RBFOX1: variants seen among roughly 807,000 people sequenced by gnomAD.
The protein encoded by RBFOX1 is RNA binding fox-1 homolog 1.
In RBFOX1, 8 loss-of-function variants were observed where a neutral mutation model predicts 57.7. The observed-to-expected ratio is 0.14, with a 90% CI of 0.08 to 0.25. The LOEUF (loss-of-function observed/expected upper bound fraction) is 0.25. Ranked by LOEUF, RBFOX1 falls within the 10% of genes least tolerant of loss-of-function variation. The probability of loss-of-function intolerance (pLI) is 1.00; values close to 1 mark genes in which losing one functional copy is unlikely to be tolerated. For missense variants in RBFOX1, 611 were observed against 548.5 expected (o/e 1.11, Z -1.14); for synonymous variants, 326 against 222.4 (o/e 1.47, Z -4.15).
At chr16:5,960,759 T>G (rs934058759) in intron 4 of RBFOX1, among the ~76,000 whole-genome samples, 18 of 152,270 alleles carry the variant, frequency 1.2e-4, no homozygotes, top group African/African-American at 3.8e-4. Flanking sequence ...CCCAACACAG[T>G]GAAAAGCCAA....
At chr16:7,460,189 A>G (rs367853599) in intron 4 of RBFOX1, among the ~76,000 whole-genome samples, 10 of 151,494 alleles carry the variant, frequency 6.6e-5, no homozygotes, top group South Asian at 2.1e-4. Context: ...TCCTGTTTCT[A>G]TTATAGCTGC....
In RBFOX1 at chr16:7,602,809, T is replaced by C. The variant is rs77469030; in HGVS notation, c.623-4476T>C. On this transcript the variant is annotated intron_variant, in intron 9 of 15. Coordinates refer to ENST00000550418, the MANE Select transcript of RBFOX1 (RefSeq NM_018723.4). ...CATCTACTCATCAACACACGGAACA[T>C]TGTCCAGGATAAGCCACATGTCAGG... 3.4e-3 allele frequency among the ~76,000 whole-genome samples: 515 copies of C among 152,274 alleles called. 2 individuals are homozygous for C. Among genetic ancestry groups the C allele is most frequent in the Non-Finnish European group, 5.2e-3 (357 of 68,034 alleles).
intron 2 of RBFOX1, among the ~76,000 whole-genome samples, chr16:5,479,077 C>T (rs2069430968): frequency 6.6e-6 from 1 of 152,202 alleles, no homozygotes; most frequent in Admixed American, 6.5e-5. Context: ...AGGACCCTGG[C>T]TGCCACAAGG....
At chr16:5,771,219 C>G (rs1335992846) in intron 3 of RBFOX1, among the ~76,000 whole-genome samples, 1 of 152,232 alleles carries the variant, frequency 6.6e-6, no homozygotes, top group Admixed American at 6.5e-5. Context: ...TTGTGGACTG[C>G]TCGCTAGGTG....
At chr16:7,081,101 G>T (rs1165277901) in intron 4 of RBFOX1, among the ~76,000 whole-genome samples, 1 of 152,118 alleles carries the variant, frequency 6.6e-6, no homozygotes, top group Admixed American at 6.5e-5. Context: ...GTGGCACGAT[G>T]TTGGCTCACT....
chr16:5,358,591 A>T (rs1401047073), intron 1 of RBFOX1, among the ~76,000 whole-genome samples: 1 of 152,206 alleles, frequency 6.6e-6, no homozygotes, highest in Non-Finnish European at 1.5e-5. Context: ...TGGGAGGCCA[A>T]AGCAGGTGGA....
At chr16:5,256,220 G>A (rs944678212) in intron 1 of RBFOX1, among the ~76,000 whole-genome samples, 1 of 152,174 alleles carries the variant, frequency 6.6e-6, no homozygotes, top group African/African-American at 2.4e-5. Flanking sequence ...AGACTTGTGG[G>A]ATGGGTAGTA....
rs182253078 is a variant in RBFOX1 at position 7,694,190 on chromosome 16, A to G, written c.996-14866A>G. Among the ~76,000 whole-genome samples, 273 of 152,316 alleles carry G rather than the reference A, an allele frequency of 1.8e-3. 1 individual carries two copies. Among genetic ancestry groups the G allele is most frequent in the African/African-American group, 6.0e-3 (248 of 41,570 alleles). On this transcript the variant is annotated intron_variant, in intron 14 of 15. Coordinates refer to ENST00000550418, the MANE Select transcript of RBFOX1 (RefSeq NM_018723.4). ...AAACAATCACTAGGAAGTCTTGCCA[A>G]TGTGTTGCTTTCAGCCTGCGAGGGA... is the stretch of plus-strand genomic sequence containing the variant.
chr16:5,433,835 G>A (rs145785933), intron 1 of RBFOX1, among the ~76,000 whole-genome samples: 92 of 152,158 alleles, frequency 6.0e-4, no homozygotes, highest in African/African-American at 1.1e-3. Flanking sequence ...CACAGTAAGC[G>A]CTCAATACAT....
At chr16:7,246,633 C>CTTTTTTTTT (rs56654382) in intron 4 of RBFOX1, among the ~76,000 whole-genome samples, 2 of 105,500 alleles carry the variant, frequency 1.9e-5, no homozygotes, top group Non-Finnish European at 3.6e-5. Flanking sequence ...TGGTCACCTC[C>CTTTTTTTTT]TTTTTTTTTT....
rs373256405 is a variant in RBFOX1, at chr16:6,196,095, C to T, written c.-126-120900C>T. On this transcript the variant is annotated intron_variant, in intron 1 of 15. Coordinates refer to ENST00000550418, the MANE Select transcript of RBFOX1 (RefSeq NM_018723.4). Reference sequence around the variant, plus strand: ...GCTTACTATGGGCCTGGTACTGGGTCAAGTGCTTTGCATTCATTCTCACTT... The same window carrying T: ...GCTTACTATGGGCCTGGTACTGGGTTAAGTGCTTTGCATTCATTCTCACTT... Among the ~76,000 whole-genome samples, 3 of 152,184 alleles carry T rather than the reference C, an allele frequency of 2.0e-5. 1 individual carries two copies. The highest frequency in any genetic ancestry group is 2.0e-4 in the Admixed American group (3 of 15,278).
intron 3 of RBFOX1, among the ~76,000 whole-genome samples, chr16:6,975,368 C>T (rs963267004): frequency 1.3e-5 from 2 of 152,046 alleles, no homozygotes; most frequent in African/African-American, 4.8e-5. Context: ...TGGGTTCAAG[C>T]GATTCTCCTG....
chr16:6,804,501 G>A (rs1188322482), intron 3 of RBFOX1, among the ~76,000 whole-genome samples: 1 of 152,128 alleles, frequency 6.6e-6, no homozygotes, highest in African/African-American at 2.4e-5. Context: ...AGCTCTAGGT[G>A]CATAAATAAT....
intron 3 of RBFOX1, among the ~76,000 whole-genome samples, chr16:6,740,462 G>T (rs543351902): frequency 2.6e-5 from 4 of 152,296 alleles, no homozygotes; most frequent in Non-Finnish European, 5.9e-5. Context: ...ATCCTTATTA[G>T]TGGATTCCAT....
intron 3 of RBFOX1, among the ~76,000 whole-genome samples, chr16:5,784,740 T>C (rs559178300): frequency 6.6e-6 from 1 of 152,236 alleles, no homozygotes; most frequent in South Asian, 2.1e-4. Context: ...TCCTTATGAA[T>C]TGGATTAGTG....
intron 3 of RBFOX1, among the ~76,000 whole-genome samples, chr16:5,846,749 G>C (rs2056767390): frequency 6.6e-6 from 1 of 152,204 alleles, no homozygotes; most frequent in Non-Finnish European, 1.5e-5. Flanking sequence ...CCACTTCACA[G>C]TCTTTGCATG....
chr16:6,846,066 C>G (rs2093738747), intron 3 of RBFOX1, among the ~76,000 whole-genome samples: 1 of 152,224 alleles, frequency 6.6e-6, no homozygotes, highest in South Asian at 2.1e-4. Flanking sequence ...CAGTTGTAAT[C>G]TGTGTCCATT....
At chr16:7,670,635 T>A (rs1490544015) in intron 13 of RBFOX1, among the ~76,000 whole-genome samples, 1 of 152,170 alleles carries the variant, frequency 6.6e-6, no homozygotes, top group African/African-American at 2.4e-5. Context: ...AAGAATGTTA[T>A]CAGGCATCGC....
intron 3 of RBFOX1, among the ~76,000 whole-genome samples, chr16:6,998,548 C>T (rs1459323021): frequency 6.6e-6 from 1 of 152,106 alleles, no homozygotes; most frequent in African/African-American, 2.4e-5. Context: ...ATGAGAACAG[C>T]TGGTTGTATT....
Sources: allele counts gnomAD v4.1 joint callset (sites outside exome capture counted in the v4.1 genomes callset), GRCh38; gene constraint gnomAD v4.1.1; transcripts MANE v1.5; gene names NCBI Gene and HGNC (gene_info 2026-07-23, HGNC 2026-07-21).